The following NREP variants were observed in gnomAD, a reference collection of about 807,000 sequenced individuals.
The protein encoded by NREP is neuronal regeneration related protein.
NREP carries 5 observed loss-of-function variants against 8.6 expected under a neutral mutation model. The observed-to-expected ratio is 0.58, with a 90% confidence interval of 0.30 to 1.22. The LOEUF is 1.22. Among genes scored for constraint, NREP ranks in the 50% most tolerant of loss-of-function variants. The pLI, the probability that NREP is intolerant of heterozygous loss-of-function variation, is 0.07. For missense variants in NREP, 86 were observed against 82.5 expected, an observed-to-expected ratio of 1.04 and a Z score of -0.17; for synonymous variants, 27 against 28.0, an observed-to-expected ratio of 0.96 and a Z score of 0.11.
At chr5:111,960,530 A>AG (rs1268281098) in intron 2 of NREP, among the ~76,000 whole-genome samples, 1 of 152,224 alleles carries the variant, frequency 6.6e-6, no homozygotes, top group Non-Finnish European at 1.5e-5. Flanking sequence ...AAAACAATCC[A>AG]GGGGATAGGT....
chr5:111,870,625 T>C (rs1406896305), intron 2 of NREP, among the ~76,000 whole-genome samples: 3 of 152,116 alleles, frequency 2.0e-5, no homozygotes, highest in South Asian at 4.1e-4. Context: ...TATGTTGATG[T>C]CCTAACCTCC....
chr5:111,741,122 C>T (rs982221242), intron 2 of NREP, among the ~76,000 whole-genome samples: 3 of 152,120 alleles, frequency 2.0e-5, no homozygotes, highest in Non-Finnish European at 4.4e-5. Context: ...TTAAAGAATG[C>T]ACACACGGGT....
intron 2 of NREP, among the ~76,000 whole-genome samples, chr5:111,927,197 C>G (rs1004205938): frequency 6.6e-6 from 1 of 152,090 alleles, no homozygotes; most frequent in Admixed American, 6.5e-5. Flanking sequence ...TCCTGCGCCA[C>G]TGAGGCCTGA....
At chr5:111,801,497 C>A (rs1371474147) in intron 2 of NREP, among the ~76,000 whole-genome samples, 1 of 152,190 alleles carries the variant, frequency 6.6e-6, no homozygotes, top group Non-Finnish European at 1.5e-5. Context: ...AGAGGCCTTT[C>A]ATAGTTCCTT....
chr5:111,872,649 G>C (rs747624343), intron 2 of NREP, among the ~76,000 whole-genome samples: 5 of 152,058 alleles, frequency 3.3e-5, no homozygotes, highest in Non-Finnish European at 7.4e-5. Flanking sequence ...TTTGTACAAG[G>C]TATGGTTAGA....
intron 2 of NREP, among the ~76,000 whole-genome samples, chr5:111,826,349 AG>A (rs1752626339): frequency 6.6e-6 from 1 of 152,208 alleles, no homozygotes; most frequent in Admixed American, 6.5e-5. Context: ...GCAACCACTC[AG>A]GTCTCCTTCA....
chr5:111,807,048 A>G (rs1752159464), intron 2 of NREP, among the ~76,000 whole-genome samples: 1 of 152,128 alleles, frequency 6.6e-6, no homozygotes, highest in South Asian at 2.1e-4. Context: ...TTTTAAAAAA[A>G]TGTGGGCTGG....
Position 111,822,102 on chromosome 5 carries a change from T to A in NREP, c.136-86595A>T, listed in dbSNP as rs559584604. On this transcript the variant is annotated intron_variant, in intron 2 of 3. Transcript: ENST00000395634. ...GCTGAAGAACACAGGCAAATTCCAT[T>A]TAGTGTGGACCAGCTCATTTCAGAC... Among the ~76,000 whole-genome samples the A allele has an allele frequency of 7.2e-5, 11 of 152,274 alleles. No individual in the cohort carries two copies. In the South Asian group the frequency reaches 2.1e-3, roughly 29 times the overall value.
chr5:111,819,433 G>C (rs572045930), intron 2 of NREP, among the ~76,000 whole-genome samples: 89 of 152,226 alleles, frequency 5.8e-4, no homozygotes, highest in African/African-American at 2.1e-3. Flanking sequence ...GTGTGTTCCC[G>C]CCATTACTCC....
intron 2 of NREP, among the ~76,000 whole-genome samples, chr5:111,828,048 A>G (rs1240899098): frequency 6.6e-6 from 1 of 151,036 alleles, no homozygotes; most frequent in African/African-American, 2.4e-5. Context: ...TTTTTTTTTA[A>G]GACGGAGTTT....
intron 2 of NREP, among the ~76,000 whole-genome samples, chr5:111,882,634 G>C (rs186822190): frequency 2.0e-5 from 3 of 152,176 alleles, no homozygotes; most frequent in African/African-American, 4.8e-5. Flanking sequence ...CTGATCTCTC[G>C]GCAGAAACTC....
upstream of NREP, chr5:111,757,837 G>A: frequency 2.1e-6 from 2 of 966,652 alleles, no homozygotes; most frequent in Non-Finnish European, 2.5e-6. Flanking sequence ...AGGTGGAGGA[G>A]GCGGTTTGGG....
At chr5:111,968,968 G>C (rs1345440651) in intron 2 of NREP, among the ~76,000 whole-genome samples, 1 of 152,158 alleles carries the variant, frequency 6.6e-6, no homozygotes, top group East Asian at 1.9e-4. Context: ...TTTCTTTTTA[G>C]ATAGAGTTAA....
chr5:111,961,857 A>C (rs545258569), intron 2 of NREP, among the ~76,000 whole-genome samples: 2 of 152,350 alleles, frequency 1.3e-5, no homozygotes, highest in African/African-American at 4.8e-5. Context: ...AGTTCACGCC[A>C]TTTATTTTAT....
chr5:111,772,869 G>A (rs1751267728), intron 2 of NREP, among the ~76,000 whole-genome samples: 1 of 152,168 alleles, frequency 6.6e-6, no homozygotes, highest in African/African-American at 2.4e-5. Context: ...TAGCATGACA[G>A]CTTTGGATTA....
chr5:111,809,572 T>C (rs1381519480), intron 2 of NREP, among the ~76,000 whole-genome samples: 1 of 151,820 alleles, frequency 6.6e-6, no homozygotes, highest in Non-Finnish European at 1.5e-5. Flanking sequence ...TCTGTGAGAG[T>C]GGATTCTTAT....
chr5:111,798,367 G>C (rs1751919712), intron 2 of NREP, among the ~76,000 whole-genome samples: 1 of 151,908 alleles, frequency 6.6e-6, no homozygotes, highest in South Asian at 2.1e-4. Context: ...TTTTTAATTA[G>C]TTTTTATTTT....
chr5:111,731,299 G>A (rs898571083), intron 3 of NREP, among the ~76,000 whole-genome samples: 2 of 152,022 alleles, frequency 1.3e-5, no homozygotes, highest in Admixed American at 6.6e-5. Flanking sequence ...CTTCTGTTAC[G>A]GTGGTGCCAG....
chr5:111,800,502 C>T (rs6890703), intron 2 of NREP, among the ~76,000 whole-genome samples: 52,683 of 152,040 alleles, frequency 0.35, 9,831 homozygotes, highest in African/African-American at 0.5. Flanking sequence ...TGTTTTACAG[C>T]GGAGTCCTGT....
Sources: allele counts gnomAD v4.1 joint callset (sites outside exome capture counted in the v4.1 genomes callset), GRCh38; gene constraint gnomAD v4.1.1; transcripts MANE v1.5; gene names NCBI Gene and HGNC (gene_info 2026-07-23, HGNC 2026-07-21).